Variants in FBXL20 observed in about 807,000 individuals in gnomAD.
FBXL20 encodes the protein F-box and leucine rich repeat protein 20.
A neutral mutation model predicts 64.0 loss-of-function variants in FBXL20; 11 were observed. That is an observed-to-expected ratio of 0.17 (90% CI 0.11 to 0.28). The LOEUF (loss-of-function observed/expected upper bound fraction) is 0.28, where lower values mean the gene tolerates loss of function less well. FBXL20 is among the 10% of genes least tolerant of loss of function. The pLI is 1.00. For missense variants in FBXL20, 303 were observed against 526.2 expected, an observed-to-expected ratio of 0.58 and a Z score of 4.15; for synonymous variants, 184 against 189.0, an observed-to-expected ratio of 0.97 and a Z score of 0.22.
At chr17:39,295,654 A>T (rs1433995843) in intron 6 of FBXL20, among the ~76,000 whole-genome samples, 4 of 152,098 alleles carry the variant, frequency 2.6e-5, no homozygotes, top group Admixed American at 1.3e-4. Context: ...TAAACGATAA[A>T]ACATAATTCA....
chr17:39,300,266 C>T (rs1368764185), intron 4 of FBXL20, among the ~76,000 whole-genome samples: 1 of 152,110 alleles, frequency 6.6e-6, no homozygotes, highest in Non-Finnish European at 1.5e-5. Flanking sequence ...CTCAGGTGAT[C>T]CGCCCACCTT....
chr17:39,287,595 G>C (rs1187698599), intron 6 of FBXL20, among the ~76,000 whole-genome samples: 1 of 152,034 alleles, frequency 6.6e-6, no homozygotes, highest in African/African-American at 2.4e-5. Context: ...TGTAGAGACA[G>C]GGTCTAACTA....
chr17:39,298,795 G>T (rs144612587), intron 5 of FBXL20, among the ~76,000 whole-genome samples, 195 bp downstream of exon 5: 529 of 152,104 alleles, frequency 3.5e-3, no homozygotes, highest in African/African-American at 0.012. Context: ...GGGGAATCTG[G>T]GTTTTTTTCA....
chr17:39,374,445 G>A lies in FBXL20; in HGVS notation c.42+26916C>T, dbSNP rs369908492. On this transcript the variant is annotated intron_variant, in intron 1 of 14. Coordinates refer to ENST00000264658, the MANE Select transcript of FBXL20 (RefSeq NM_032875.3). ...AATCCCAGCTACCTGGGAGGCTGAGGCATGAGAACTGCTTGAACCTGGGAG... is the reference window on the plus strand; with the variant it reads ...AATCCCAGCTACCTGGGAGGCTGAGACATGAGAACTGCTTGAACCTGGGAG... Among the ~76,000 whole-genome samples the A allele has an allele frequency of 8.0e-4, 121 of 151,842 alleles. 1 individual carries two copies. The highest frequency in any genetic ancestry group is 2.8e-3 in the African/African-American group (118 of 41,430).
intron 2 of FBXL20, among the ~76,000 whole-genome samples, chr17:39,315,416 A>G (rs1029118792): frequency 4.9e-5 from 5 of 101,220 alleles, no homozygotes; most frequent in Admixed American, 9.7e-5. Flanking sequence ...TATATATAGT[A>G]CATGTCTTTA....
intron 1 of FBXL20, among the ~76,000 whole-genome samples, chr17:39,369,963 G>C (rs1024738082): frequency 6.6e-6 from 1 of 152,024 alleles, no homozygotes; most frequent in African/African-American, 2.4e-5. Flanking sequence ...TGGCAGGCAT[G>C]GTGGCTCACA....
At chr17:39,369,228 C>T (rs1723295724) in intron 1 of FBXL20, among the ~76,000 whole-genome samples, 1 of 150,626 alleles carries the variant, frequency 6.6e-6, no homozygotes, top group Admixed American at 6.6e-5. Context: ...ATAAATAATG[C>T]CTCAAACAAC....
At chr17:39,394,564 TTTC>T (rs1455023191) in intron 1 of FBXL20, among the ~76,000 whole-genome samples, 14 of 149,126 alleles carry the variant, frequency 9.4e-5, no homozygotes, top group Admixed American at 2.0e-4. Context: ...GAATTTTTCT[TTTC>T]TTTTTTTTTT....
chr17:39,373,263 C>A lies in FBXL20; in HGVS notation c.42+28098G>T, dbSNP rs1324177997. ...TTTAAAGAGATTAAGTATAACTTAT[C>A]TTTTAATCTTATTTGACTGGCAAAT... On this transcript the variant is annotated intron_variant, in intron 1 of 14. Transcript: ENST00000264658. 2.0e-5 allele frequency among the ~76,000 whole-genome samples: 3 copies of A among 152,256 alleles called. No individual in the cohort carries two copies. In the East Asian group the frequency reaches 5.8e-4, roughly 29 times the overall value.
At chr17:39,368,827 T>C (rs2047887094) in intron 1 of FBXL20, among the ~76,000 whole-genome samples, 1 of 152,042 alleles carries the variant, frequency 6.6e-6, no homozygotes, top group East Asian at 1.9e-4. Flanking sequence ...GGCTAATTTT[T>C]TGTATTTTTA....
intron 2 of FBXL20, among the ~76,000 whole-genome samples, chr17:39,340,854 T>C (rs1439322017): frequency 6.6e-6 from 1 of 151,982 alleles, no homozygotes; most frequent in Non-Finnish European, 1.5e-5. Context: ...TTTAAAGATA[T>C]ATTAAACTCA....
At chr17:39,393,509 A>G (rs1442346689) in intron 1 of FBXL20, among the ~76,000 whole-genome samples, 3 of 152,156 alleles carry the variant, frequency 2.0e-5, no homozygotes, top group African/African-American at 4.8e-5. Flanking sequence ...TCTTAGCACC[A>G]TAGTAATGCC....
At chr17:39,308,372 G>A (rs921003515) in intron 2 of FBXL20, among the ~76,000 whole-genome samples, 5 of 151,954 alleles carry the variant, frequency 3.3e-5, no homozygotes, top group African/African-American at 1.2e-4. Flanking sequence ...GTGCACGCCT[G>A]TAGTCCTAGC....
intron 11 of FBXL20, among the ~76,000 whole-genome samples, chr17:39,270,344 G>T (rs973095607): frequency 6.6e-6 from 1 of 152,144 alleles, no homozygotes; most frequent in Non-Finnish European, 1.5e-5. Flanking sequence ...GGGAGTTGAA[G>T]ACCAGCCTGG....
intron 1 of FBXL20, among the ~76,000 whole-genome samples, chr17:39,375,551 C>T (rs2047959197): frequency 6.6e-6 from 1 of 152,166 alleles, no homozygotes; most frequent in Admixed American, 6.6e-5. Flanking sequence ...ATGTTCCCAA[C>T]ACATAGAAAT....
rs115833506 is a variant in FBXL20 at position 39,325,196 on chromosome 17, C to T, written c.104+17984G>A. ...GCAGTCCAGCCTGGATGACAGAGAC[C>T]CTGTCTCAAAAAAAATAGTAGTAAT... On this transcript the variant is annotated intron_variant, in intron 2 of 14. Transcript: ENST00000264658. Among the ~76,000 whole-genome samples, 632 of 152,046 alleles carry T rather than the reference C, an allele frequency of 4.2e-3. 5 individuals are homozygous for T. The highest frequency in any genetic ancestry group is 0.014 in the African/African-American group (586 of 41,496).
intron 6 of FBXL20, among the ~76,000 whole-genome samples, chr17:39,295,998 A>AGCC (rs914099385): frequency 1.3e-5 from 2 of 152,096 alleles, no homozygotes; most frequent in African/African-American, 4.8e-5. Flanking sequence ...GTAATGTAGT[A>AGCC]GCCTTGCATA....
At chr17:39,288,545 G>A (rs1351558252) in intron 6 of FBXL20, among the ~76,000 whole-genome samples, 2 of 151,938 alleles carry the variant, frequency 1.3e-5, no homozygotes, top group Non-Finnish European at 2.9e-5. Flanking sequence ...TGCTCTTCTG[G>A]GCTTAAGTGA....
intron 1 of FBXL20, among the ~76,000 whole-genome samples, chr17:39,363,752 A>C (rs1009723838): frequency 7.6e-5 from 11 of 145,468 alleles, no homozygotes; most frequent in Non-Finnish European, 1.3e-4. Context: ...TGAAGGCTGC[A>C]ATGAGCTGTG....
Sources: allele counts gnomAD v4.1 joint callset (sites outside exome capture counted in the v4.1 genomes callset), GRCh38; gene constraint gnomAD v4.1.1; transcripts MANE v1.5; gene names NCBI Gene and HGNC (gene_info 2026-07-23, HGNC 2026-07-21).